EFCAB11: variants seen among roughly 807,000 people sequenced by gnomAD.
The protein encoded by EFCAB11 is EF-hand calcium binding domain 11.
Under a neutral mutation model 23.0 loss-of-function variants are expected in EFCAB11, and 14 were observed. That is an observed-to-expected ratio of 0.61 (90% CI 0.40 to 0.95). The LOEUF (loss-of-function observed/expected upper bound fraction) is 0.95, where lower values mean the gene tolerates loss of function less well. Ranked by LOEUF, EFCAB11 falls within the 40% of genes least tolerant of loss-of-function variation. The probability of loss-of-function intolerance (pLI) is 0.00; values close to 1 mark genes in which losing one functional copy is unlikely to be tolerated. For missense variants in EFCAB11, 198 were observed against 195.8 expected (o/e 1.01, Z -0.07); for synonymous variants, 65 against 66.6 (o/e 0.98, Z 0.11).
intron 4 of EFCAB11, 26 bp downstream of exon 4, chr14:89,932,500 C>A: frequency 6.3e-7 from 1 of 1,589,364 alleles, no homozygotes; most frequent in Non-Finnish European, 8.6e-7. Context: ...ATTTTTTTTA[C>A]ATCAAAACAC....
chr14:89,850,660 A>ATATG (rs1241394563), intron 5 of EFCAB11, among the ~76,000 whole-genome samples: 1 of 152,202 alleles, frequency 6.6e-6, no homozygotes, highest in Non-Finnish European at 1.5e-5. Context: ...GTAAGTCCAG[A>ATATG]TATGTATGTA....
intron 5 of EFCAB11, among the ~76,000 whole-genome samples, chr14:89,854,712 C>T (rs2140142911): frequency 6.6e-6 from 1 of 152,244 alleles, no homozygotes; most frequent in South Asian, 2.1e-4. Flanking sequence ...CACACCTGCT[C>T]CTCCTCCCCT....
At chr14:89,953,000 CTT>C (rs1479297946) in intron 2 of EFCAB11, among the ~76,000 whole-genome samples, 2 of 152,160 alleles carry the variant, frequency 1.3e-5, no homozygotes, top group African/African-American at 2.4e-5. Flanking sequence ...GAGCAGGAAA[CTT>C]GCCCTACTCA....
At chr14:89,927,857 G>T (rs748331004) in intron 5 of EFCAB11, among the ~76,000 whole-genome samples, 6 of 152,034 alleles carry the variant, frequency 3.9e-5, no homozygotes, top group Admixed American at 1.3e-4. Flanking sequence ...GAGTAGCTGG[G>T]ATTACAGGCG....
At chr14:89,910,276 C>T (rs1354759863) in intron 5 of EFCAB11, among the ~76,000 whole-genome samples, 2 of 152,168 alleles carry the variant, frequency 1.3e-5, no homozygotes, top group Admixed American at 6.5e-5. Context: ...GAAGGCCACA[C>T]ATACAATCAG....
intron 5 of EFCAB11, among the ~76,000 whole-genome samples, chr14:89,813,682 T>C (rs1429180514): frequency 2.1e-5 from 3 of 141,000 alleles, no homozygotes; most frequent in Non-Finnish European, 3.1e-5. Context: ...AAAATGCCTA[T>C]GTGCTCAGCA....
chr14:89,827,753 C>T (rs938708819), intron 5 of EFCAB11, among the ~76,000 whole-genome samples: 2 of 149,998 alleles, frequency 1.3e-5, no homozygotes, highest in African/African-American at 4.9e-5. Context: ...CCTGCCTCAT[C>T]CTCTGAAGTA....
At chr14:89,825,043 A>T (rs1886643267) in intron 5 of EFCAB11, among the ~76,000 whole-genome samples, 1 of 151,128 alleles carries the variant, frequency 6.6e-6, no homozygotes, top group Non-Finnish European at 1.5e-5. Flanking sequence ...CCTGACACCT[A>T]CAGGATATTC....
Position 89,866,802 on chromosome 14 carries a change from CT to C in EFCAB11, c.410+64738del, listed in dbSNP as rs1266557579. Among the ~76,000 whole-genome samples the C allele has an allele frequency of 1.1e-4, 17 of 151,354 alleles. No individual in the cohort carries two copies. In the East Asian group the frequency reaches 2.3e-3, roughly 21 times the overall value. On this transcript the variant is annotated intron_variant, in intron 5 of 5. Coordinates refer to ENST00000316738, the MANE Select transcript of EFCAB11 (RefSeq NM_145231.4). Reference sequence around the variant, plus strand: ...TCATTTTTAAAAATGTTTTATTTATCTTTTTTTTATTTTTATTTTTTTGAGA... The same window carrying C: ...TCATTTTTAAAAATGTTTTATTTATCTTTTTTTATTTTTATTTTTTTGAGA...
intron 5 of EFCAB11, among the ~76,000 whole-genome samples, chr14:89,813,272 G>T (rs990438964): frequency 6.6e-6 from 1 of 152,146 alleles, no homozygotes; most frequent in East Asian, 1.9e-4. Flanking sequence ...CTGTAAAAAT[G>T]ATAAAATAAC....
chr14:89,917,469 C>A (rs1326305615), intron 5 of EFCAB11, among the ~76,000 whole-genome samples: 1 of 152,200 alleles, frequency 6.6e-6, no homozygotes, highest in Non-Finnish European at 1.5e-5. Context: ...ACACATACCA[C>A]AATTTCTTTA....
intron 5 of EFCAB11, among the ~76,000 whole-genome samples, chr14:89,804,438 G>A (rs1365968928): frequency 6.6e-6 from 1 of 152,204 alleles, no homozygotes; most frequent in Non-Finnish European, 1.5e-5. Context: ...CAACTCTGAG[G>A]TCATTCTCTT....
intron 5 of EFCAB11, among the ~76,000 whole-genome samples, chr14:89,892,601 C>T (rs1275497908): frequency 6.6e-6 from 1 of 152,164 alleles, no homozygotes; most frequent in East Asian, 1.9e-4. Context: ...AGGGTTTCTA[C>T]AGAAAAGAAA....
At chr14:89,915,183 C>G (rs936954957) in intron 5 of EFCAB11, among the ~76,000 whole-genome samples, 11 of 152,122 alleles carry the variant, frequency 7.2e-5, no homozygotes, top group African/African-American at 2.7e-4. Flanking sequence ...AAGGCTATTT[C>G]CAGGATGGAG....
chr14:89,801,307 C>T (rs183960852), intron 5 of EFCAB11, among the ~76,000 whole-genome samples: 1 of 152,318 alleles, frequency 6.6e-6, no homozygotes, highest in African/African-American at 2.4e-5. Context: ...GCCAGGCACA[C>T]ACACACTGTG....
chr14:89,836,662 C>CT (rs1471072496), intron 5 of EFCAB11: 3 of 456,610 alleles, frequency 6.6e-6, no homozygotes, highest in African/African-American at 2.0e-5. Flanking sequence ...TAATGTACAT[C>CT]TGTCAGGGTA....
chr14:89,886,840 C>T (rs534009126), intron 5 of EFCAB11, among the ~76,000 whole-genome samples: 198 of 152,192 alleles, frequency 1.3e-3, no homozygotes, highest in Middle Eastern at 6.8e-3. Context: ...AGAGACAGCC[C>T]AAAGAGTCAG....
chr14:89,809,454 C>A (rs1165794216), intron 5 of EFCAB11, among the ~76,000 whole-genome samples: 1 of 152,148 alleles, frequency 6.6e-6, no homozygotes, highest in Non-Finnish European at 1.5e-5. Flanking sequence ...GGCAGGGCCA[C>A]ATCATTGATT....
At chr14:89,881,257 G>A (rs950381096) in intron 5 of EFCAB11, among the ~76,000 whole-genome samples, 1 of 151,238 alleles carries the variant, frequency 6.6e-6, no homozygotes, top group Admixed American at 6.6e-5. Flanking sequence ...CTCAATGTAA[G>A]CAAGTAACAG....
Sources: gnomAD v4.1 joint callset for allele counts (sites outside exome capture counted in the v4.1 genomes callset) on GRCh38, gnomAD v4.1.1 for gene constraint, MANE v1.5 for transcripts, NCBI Gene and HGNC (gene_info 2026-07-23, HGNC 2026-07-21) for gene names.